Variants in AFF3 observed in about 807,000 individuals in gnomAD.
AFF3 encodes ALF transcription elongation factor 3, also known as AF4/FMR2 family member 3.
In AFF3, 32 loss-of-function variants were observed where a neutral mutation model predicts 129.7. The ratio of observed to expected loss-of-function variants is 0.25; its 90% confidence interval spans 0.19 to 0.33. The LOEUF (loss-of-function observed/expected upper bound fraction) is 0.33, where lower values mean the gene tolerates loss of function less well. Among genes scored for constraint, AFF3 ranks in the 10% least tolerant of loss-of-function variants. The pLI, the probability that AFF3 is intolerant of heterozygous loss-of-function variation, is 1.00. For missense variants in AFF3, 1,373 were observed against 1,592.0 expected, an observed-to-expected ratio of 0.86 and a Z score of 2.34; for synonymous variants, 644 against 635.4, an observed-to-expected ratio of 1.01 and a Z score of -0.20.
intron 18 of AFF3, among the ~76,000 whole-genome samples, chr2:99,577,232 A>G (rs1393349405): frequency 3.3e-5 from 5 of 152,134 alleles, no homozygotes; most frequent in African/African-American, 1.2e-4. Flanking sequence ...TTCCCAGGGA[A>G]TTGTACAGAG....
chr2:99,622,406 C>T (rs532747355), intron 13 of AFF3, among the ~76,000 whole-genome samples: 1 of 152,114 alleles, frequency 6.6e-6, no homozygotes, highest in East Asian at 1.9e-4. Context: ...TTAAGGTTTG[C>T]TGAAAATAGA....
At chr2:99,686,126 G>A (rs1675033242) in intron 11 of AFF3, among the ~76,000 whole-genome samples, 1 of 152,062 alleles carries the variant, frequency 6.6e-6, no homozygotes, top group Non-Finnish European at 1.5e-5. Flanking sequence ...GGAGGTGGAG[G>A]TTGCTATGAG....
chr2:99,945,526 C>T (rs1191500187), intron 7 of AFF3, among the ~76,000 whole-genome samples: 1 of 152,124 alleles, frequency 6.6e-6, no homozygotes, highest in Non-Finnish European at 1.5e-5. Context: ...TTCATGAAGA[C>T]AATGAACAGG....
intron 19 of AFF3, 25 bp downstream of exon 19, chr2:99,568,827 G>GT (rs1559487048): frequency 6.2e-7 from 1 of 1,609,434 alleles, no homozygotes; most frequent in South Asian, 1.1e-5. Flanking sequence ...TTGGAAGAAC[G>GT]TATCTGGAAA....
chr2:99,614,624 G>C (rs1366839997), intron 13 of AFF3, among the ~76,000 whole-genome samples: 1 of 152,320 alleles, frequency 6.6e-6, no homozygotes, highest in Middle Eastern at 3.4e-3. Context: ...TTGCTTAGAG[G>C]GGCGCTTTGG....
At chr2:99,895,617 G>A (rs892643942) in intron 7 of AFF3, among the ~76,000 whole-genome samples, 9 of 152,004 alleles carry the variant, frequency 5.9e-5, no homozygotes, top group African/African-American at 2.2e-4. Context: ...CCTCACCACC[G>A]TGCCAGCCAC....
At chr2:99,579,453 C>T (rs1677318942) in intron 17 of AFF3, among the ~76,000 whole-genome samples, 1 of 150,964 alleles carries the variant, frequency 6.6e-6, no homozygotes, top group South Asian at 2.1e-4. Context: ...GGCATGGTGG[C>T]TCACACCTGT....
intron 8 of AFF3, among the ~76,000 whole-genome samples, chr2:99,760,192 T>A (rs532949903): frequency 6.6e-6 from 1 of 152,314 alleles, no homozygotes; most frequent in African/African-American, 2.4e-5. Context: ...GAGTCTGAGA[T>A]GAGAGAATAT....
intron 15 of AFF3, among the ~76,000 whole-genome samples, chr2:99,587,992 G>C (rs1354227999): frequency 6.7e-6 from 1 of 148,210 alleles, no homozygotes; most frequent in African/African-American, 2.5e-5. Context: ...CCTGGTGACA[G>C]AGTGAGACTC....
chr2:99,609,049 C>T (rs1034855679), intron 13 of AFF3, among the ~76,000 whole-genome samples: 4 of 152,066 alleles, frequency 2.6e-5, no homozygotes, highest in Admixed American at 6.5e-5. Flanking sequence ...CAGGGACAAA[C>T]AAGGGGTGAA....
intron 4 of AFF3, among the ~76,000 whole-genome samples, chr2:100,050,482 T>A (rs980142436): frequency 6.6e-6 from 1 of 152,024 alleles, no homozygotes; most frequent in African/African-American, 2.4e-5. Flanking sequence ...AAAGAATCCA[T>A]GCCACAGAGC....
intron 7 of AFF3, among the ~76,000 whole-genome samples, chr2:99,960,279 T>C (rs1677093027): frequency 6.6e-6 from 1 of 152,164 alleles, no homozygotes; most frequent in Admixed American, 6.5e-5. Context: ...AACTCATCTT[T>C]AAATGTTTAA....
chr2:99,676,802 G>C lies in AFF3; in HGVS notation c.1092-4213C>G, dbSNP rs1304875787. 2.0e-5 allele frequency among the ~76,000 whole-genome samples: 3 copies of C among 152,154 alleles called. No homozygotes were observed. The South Asian group carries it at 6.2e-4, about 32-fold the overall frequency. ...TTTTGGCCTGTAACTGCTGTCAGCTGGTCTGAGTGGCTTTATGTCGACAGG... is the reference window on the plus strand; with the variant it reads ...TTTTGGCCTGTAACTGCTGTCAGCTCGTCTGAGTGGCTTTATGTCGACAGG... On this transcript the variant is annotated intron_variant, in intron 11 of 24. Coordinates refer to ENST00000672756, the MANE Select transcript of AFF3 (RefSeq NM_001386135.1).
At chr2:99,941,814 T>C (rs940317048) in intron 7 of AFF3, among the ~76,000 whole-genome samples, 2 of 152,204 alleles carry the variant, frequency 1.3e-5, no homozygotes, top group Non-Finnish European at 2.9e-5. Flanking sequence ...AAGGATGACA[T>C]GATAACGAAA....
intron 8 of AFF3, among the ~76,000 whole-genome samples, chr2:99,782,710 C>T (rs186331002): frequency 6.6e-6 from 1 of 152,354 alleles, no homozygotes; most frequent in Admixed American, 6.5e-5. Flanking sequence ...ACACCTCCAT[C>T]TCAACACACG....
At chr2:99,979,492 CTCT>C (rs1679199335) in intron 7 of AFF3, among the ~76,000 whole-genome samples, 1 of 151,620 alleles carries the variant, frequency 6.6e-6, no homozygotes, top group Non-Finnish European at 1.5e-5. Context: ...AATTCTTTAT[CTCT>C]TTTTTTTTTT....
At position 99,935,310 on chromosome 2, in the gene AFF3, C is replaced by A. The variant is rs368201928; in HGVS notation, c.873+71322G>T. On this transcript the variant is annotated intron_variant, in intron 7 of 24. Transcript: ENST00000672756. ...TTTGCCTATGGGACACTGGCCATGTCACTTTCGGAAGAACCCCTTCTTACT... is the reference window on the plus strand; with the variant it reads ...TTTGCCTATGGGACACTGGCCATGTAACTTTCGGAAGAACCCCTTCTTACT... 8.5e-5 allele frequency among the ~76,000 whole-genome samples: 13 copies of A among 152,198 alleles called. No homozygotes were observed. In the East Asian group the frequency reaches 2.3e-3, roughly 27 times the overall value.
intron 18 of AFF3, among the ~76,000 whole-genome samples, chr2:99,574,723 C>T (rs537957275): frequency 6.2e-4 from 95 of 152,150 alleles, no homozygotes; most frequent in Non-Finnish European, 1.2e-3. Flanking sequence ...CTGCATGATG[C>T]GGCTTTAAAA....
chr2:99,635,754 G>C (rs1236000828), intron 13 of AFF3, among the ~76,000 whole-genome samples: 1 of 152,130 alleles, frequency 6.6e-6, no homozygotes, highest in African/African-American at 2.4e-5. Context: ...TGGGCAAGTG[G>C]CTCCATCTCT....
Sources: allele counts gnomAD v4.1 joint callset (sites outside exome capture counted in the v4.1 genomes callset), GRCh38; gene constraint gnomAD v4.1.1; transcripts MANE v1.5; gene names NCBI Gene and HGNC (gene_info 2026-07-23, HGNC 2026-07-21).